Variants in PXYLP1 observed in about 807,000 individuals in gnomAD.
PXYLP1 encodes acid phosphatase-like 2.
In PXYLP1, 17 loss-of-function variants were observed where a neutral mutation model predicts 37.9. The ratio of observed to expected loss-of-function variants is 0.45; its 90% CI spans 0.31 to 0.67. PXYLP1 has a LOEUF of 0.67. Among genes scored for constraint, PXYLP1 ranks in the 30% least tolerant of loss-of-function variants. PXYLP1 has a pLI of 0.07. For synonymous variants in PXYLP1, 221 were observed against 232.2 expected (o/e 0.95, Z 0.44); for missense variants, 511 against 612.0 (o/e 0.84, Z 1.74).
intron 2 of PXYLP1, chr3:141,262,652 C>A (rs1302122111): frequency 6.6e-7 from 1 of 1,526,642 alleles, no homozygotes; most frequent in South Asian, 1.2e-5. Flanking sequence ...TGGGTCTGAG[C>A]TCTTTATTCT....
At chr3:141,236,621 C>T (rs1576571519) in intron 1 of PXYLP1, among the ~76,000 whole-genome samples, 1 of 152,326 alleles carries the variant, frequency 6.6e-6, no homozygotes, top group East Asian at 1.9e-4. Context: ...AGAGATCCAG[C>T]AGTATCATTT....
chr3:141,283,141 A>T (rs1559895353), intron 4 of PXYLP1, among the ~76,000 whole-genome samples: 1 of 144,848 alleles, frequency 6.9e-6, no homozygotes, highest in Non-Finnish European at 1.5e-5. Context: ...TAATTTTTGT[A>T]TTTTTTTTTT....
chr3:141,268,288 TAGAA>T (rs1259482298), intron 2 of PXYLP1, among the ~76,000 whole-genome samples: 1 of 147,244 alleles, frequency 6.8e-6, no homozygotes, highest in Non-Finnish European at 1.5e-5. Context: ...TTAGTAAAAA[TAGAA>T]AGCATTAGTA....
chr3:141,237,701 A>G (rs1940694375), intron 1 of PXYLP1, among the ~76,000 whole-genome samples: 2 of 152,180 alleles, frequency 1.3e-5, no homozygotes, highest in African/African-American at 2.4e-5. Context: ...CACTGAGATG[A>G]TGGATACAGG....
chr3:141,250,723 A>G (rs148609436), intron 1 of PXYLP1, among the ~76,000 whole-genome samples: 77 of 152,302 alleles, frequency 5.1e-4, no homozygotes, highest in African/African-American at 1.8e-3. Flanking sequence ...ACCCTGAGAG[A>G]AGCCAGCCTA....
At chr3:141,268,186 AGAGAGAGAGAGAGAGAGAGAGT>A (rs1941570774) in intron 2 of PXYLP1, among the ~76,000 whole-genome samples, 2 of 91,870 alleles carry the variant, frequency 2.2e-5, no homozygotes, top group African/African-American at 1.0e-4. Flanking sequence ...AGAGAGAGAG[AGAGAGAGAGAGAGAGAGAGAGT>A]GTGTGTGTGT....
intron 2 of PXYLP1, among the ~76,000 whole-genome samples, chr3:141,268,434 G>A (rs1941584747): frequency 1.3e-5 from 2 of 152,304 alleles, no homozygotes; most frequent in Non-Finnish European, 2.9e-5. Context: ...GCTGGAGTCT[G>A]GCAGGCAGAG....
intron 1 of PXYLP1, among the ~76,000 whole-genome samples, chr3:141,246,994 G>A (rs56254804): frequency 2.6e-5 from 4 of 152,142 alleles, no homozygotes; most frequent in East Asian, 1.9e-4. Flanking sequence ...GTCCAGTGGC[G>A]TTATGTGCTG....
At chr3:141,238,949 G>T (rs1444611166) in intron 1 of PXYLP1, among the ~76,000 whole-genome samples, 1 of 151,994 alleles carries the variant, frequency 6.6e-6, no homozygotes, top group East Asian at 1.9e-4. Context: ...TGGTCTTGCT[G>T]TCTCAGGGGT....
intron 2 of PXYLP1, chr3:141,262,143 T>C (rs2148759534): frequency 7.2e-6 from 3 of 415,582 alleles, no homozygotes; most frequent in South Asian, 2.0e-4. Flanking sequence ...AGGAAGTTTC[T>C]CTGATTCACT....
chr3:141,262,697 T>C, intron 2 of PXYLP1: 2 of 1,534,936 alleles, frequency 1.3e-6, no homozygotes, highest in South Asian at 1.2e-5. Flanking sequence ...TATTAAGATA[T>C]GGACGTTCTT....
In PXYLP1 at chr3:141,250,843, G is replaced by T. The variant is rs372409104; in HGVS notation, c.-53-9280G>T. 1.5e-4 allele frequency among the ~76,000 whole-genome samples: 23 copies of T among 152,350 alleles called. 2 individuals are homozygous for T. Among genetic ancestry groups the T allele is most frequent in the African/African-American group, 5.5e-4 (23 of 41,580 alleles). ...ATACTATGGTTTGTCATGTGAGAAT[G>T]TGGATGAGTCTCTTTGCTTGCTAGG... On this transcript the variant is annotated intron_variant, in intron 1 of 5. Transcript: ENST00000286353.
intron 1 of PXYLP1, among the ~76,000 whole-genome samples, chr3:141,233,066 C>T (rs976789200): frequency 7.7e-5 from 5 of 64,608 alleles, no homozygotes; most frequent in African/African-American, 2.0e-4. Context: ...GTGCGGAGCC[C>T]ACCCTTTCAA....
rs745794609 is a variant in PXYLP1, at chr3:141,278,469, C to A, written c.207C>A (p.Asn69Lys). 2 of 1,614,206 alleles carry A rather than the reference C, an allele frequency of 1.2e-6. No homozygotes were observed. The highest frequency in any genetic ancestry group is 1.7e-6 in the Non-Finnish European group (2 of 1,180,040). ...TTTATGAAGCTCTTTTGTACTGCAA[C>A]ATCCCCAGCGTGGCCGAGCGCAGCA... is the stretch of plus-strand genomic sequence containing the variant. ...DPVYEALLYCNIPSVAERSME... is the reference protein window; with the variant it reads ...DPVYEALLYCKIPSVAERSME... Residue 69 changes from asparagine (N) to lysine (K), a missense_variant, in exon 3 of 6, where the codon AAC becomes AAA. Asn to Lys is a moderately conservative substitution (Grantham distance 94). Transcript: ENST00000286353.
intron 4 of PXYLP1, 127 bp from the exon 5 acceptor site, chr3:141,287,187 G>T: frequency 1.1e-6 from 1 of 930,528 alleles, no homozygotes. Context: ...AAAAGTGATT[G>T]AGCCGGTACC....
At chr3:141,277,355 C>T (rs189125241) in intron 2 of PXYLP1, among the ~76,000 whole-genome samples, 17 of 152,188 alleles carry the variant, frequency 1.1e-4, no homozygotes, top group African/African-American at 3.9e-4. Flanking sequence ...CCTCAAAGGG[C>T]GGATGCTGAA....
intron 4 of PXYLP1, among the ~76,000 whole-genome samples, chr3:141,287,060 C>T (rs931937841): frequency 2.6e-5 from 4 of 152,228 alleles, no homozygotes; most frequent in African/African-American, 7.2e-5. Context: ...GGAAGATAGA[C>T]GGCGAAGCTG....
At chr3:141,245,952 A>G (rs1186096293) in intron 1 of PXYLP1, among the ~76,000 whole-genome samples, 2 of 152,206 alleles carry the variant, frequency 1.3e-5, no homozygotes, top group Admixed American at 1.3e-4. Flanking sequence ...AACATCCAGG[A>G]GTCAGTGTGG....
intron 1 of PXYLP1, among the ~76,000 whole-genome samples, chr3:141,235,731 C>T (rs1023912918): frequency 2.0e-5 from 3 of 152,232 alleles, no homozygotes; most frequent in African/African-American, 7.2e-5. Flanking sequence ...TGGAGCCTCT[C>T]AACCTGGAGA....
Sources: gnomAD v4.1 joint callset for allele counts (sites outside exome capture counted in the v4.1 genomes callset) on GRCh38, gnomAD v4.1.1 for gene constraint, MANE v1.5 for transcripts, NCBI Gene and HGNC (gene_info 2026-07-23, HGNC 2026-07-21) for gene names.